The following NEK1 variants were observed in gnomAD, a reference collection of about 807,000 sequenced individuals.
NEK1 encodes the protein NIMA related kinase 1.
In NEK1, 137 loss-of-function variants were observed where a neutral mutation model predicts 182.1. The ratio of observed to expected loss-of-function variants is 0.75; its 90% CI spans 0.65 to 0.87. The LOEUF (loss-of-function observed/expected upper bound fraction) is 0.87, where lower values mean the gene tolerates loss of function less well. NEK1 is among the 40% of genes least tolerant of loss of function. The pLI is 0.00. For synonymous variants in NEK1, 513 were observed against 492.2 expected (o/e 1.04, Z -0.56); for missense variants, 1,391 against 1,494.4 (o/e 0.93, Z 1.14).
chr4:169,604,224 T>C (rs190578194), intron 2 of NEK1, among the ~76,000 whole-genome samples: 63 of 152,340 alleles, frequency 4.1e-4, no homozygotes, highest in South Asian at 2.3e-3. Context: ...ACTTTTAGTA[T>C]CACACTTAAA....
intron 9 of NEK1, among the ~76,000 whole-genome samples, chr4:169,587,324 G>A (rs1767698687): frequency 6.6e-6 from 1 of 151,680 alleles, no homozygotes; most frequent in Non-Finnish European, 1.5e-5. Flanking sequence ...TCTGTCATTA[G>A]AAATAATTTT....
At chr4:169,507,664 T>C in intron 22 of NEK1, 51 bp downstream of exon 22, 1 of 1,340,438 alleles carries the variant, frequency 7.5e-7, no homozygotes, top group Non-Finnish European at 1.1e-6. Flanking sequence ...CAATTTGCTA[T>C]CTCAGCTTTC....
intron 27 of NEK1, among the ~76,000 whole-genome samples, chr4:169,447,166 A>C (rs575655966): frequency 1.3e-5 from 2 of 152,250 alleles, no homozygotes; most frequent in Non-Finnish European, 2.9e-5. Flanking sequence ...AAAAGGTCAA[A>C]GACAAACAAA....
chr4:169,546,351 T>C (rs1425389934), intron 18 of NEK1, among the ~76,000 whole-genome samples: 1 of 152,084 alleles, frequency 6.6e-6, no homozygotes, highest in Non-Finnish European at 1.5e-5. Context: ...CTGAGACTCT[T>C]TGTTATGATT....
intron 20 of NEK1, 40 bp downstream of exon 20, chr4:169,508,729 T>C: frequency 1.4e-6 from 2 of 1,420,524 alleles, no homozygotes; most frequent in African/African-American, 1.4e-5. Flanking sequence ...AATTCAAAAA[T>C]GGCTATGTGA....
intron 23 of NEK1, among the ~76,000 whole-genome samples, chr4:169,501,683 T>C (rs1482610126): frequency 6.6e-6 from 1 of 152,096 alleles, no homozygotes; most frequent in Non-Finnish European, 1.5e-5. Flanking sequence ...GGCAGATATT[T>C]AAAAAAATTT....
chr4:169,505,419 C>T (rs1753084273), intron 23 of NEK1, among the ~76,000 whole-genome samples: 2 of 152,028 alleles, frequency 1.3e-5, no homozygotes, highest in East Asian at 3.9e-4. Context: ...TTTTCTCTTC[C>T]TTATGATTTT....
chr4:169,504,736 G>A (rs1752951430), intron 23 of NEK1, among the ~76,000 whole-genome samples: 1 of 152,162 alleles, frequency 6.6e-6, no homozygotes, highest in South Asian at 2.1e-4. Context: ...AAGCTGGAAA[G>A]GGTAGTGCAT....
intron 2 of NEK1, 96 bp from the exon 3 acceptor site, chr4:169,602,774 T>A (rs998555344): frequency 1.5e-5 from 8 of 549,180 alleles, no homozygotes; most frequent in Admixed American, 7.4e-5. Flanking sequence ...CTTTAGTGAT[T>A]TGCTAACATT....
intron 23 of NEK1, among the ~76,000 whole-genome samples, chr4:169,483,865 CAAA>C (rs376726833): frequency 1.9e-4 from 22 of 117,280 alleles, no homozygotes; most frequent in Admixed American, 1.9e-4. Flanking sequence ...GACTCTGTCT[CAAA>C]AAAAAAAAAA....
intron 12 of NEK1, among the ~76,000 whole-genome samples, chr4:169,568,398 C>A (rs1764061696): frequency 6.6e-6 from 1 of 152,110 alleles, no homozygotes; most frequent in Non-Finnish European, 1.5e-5. Flanking sequence ...TTTCACTGAA[C>A]TCTATTAGAA....
intron 28 of NEK1, among the ~76,000 whole-genome samples, chr4:169,435,267 C>G (rs1033683124): frequency 5.3e-5 from 8 of 152,088 alleles, no homozygotes; most frequent in African/African-American, 1.7e-4. Context: ...CTGGCCTATT[C>G]TTATAAGGGC....
chr4:169,610,865 A>G (rs1435210209), intron 2 of NEK1, among the ~76,000 whole-genome samples: 6 of 152,252 alleles, frequency 3.9e-5, no homozygotes, highest in Admixed American at 3.9e-4. Context: ...TGCAGCTACA[A>G]TCCATACATA....
intron 35 of NEK1, among the ~76,000 whole-genome samples, chr4:169,399,245 A>T (rs752524169): frequency 4.6e-5 from 7 of 151,646 alleles, no homozygotes; most frequent in African/African-American, 7.3e-5. Flanking sequence ...ACTCCATCTC[A>T]CACACACAAA....
chr4:169,584,186 AAAT>A (rs1767138678), intron 10 of NEK1, among the ~76,000 whole-genome samples: 2 of 152,170 alleles, frequency 1.3e-5, no homozygotes, highest in South Asian at 4.1e-4. Context: ...TAAACTCAAC[AAAT>A]ATTATGCACC....
chr4:169,583,022 G>A (rs1281192804), intron 10 of NEK1, among the ~76,000 whole-genome samples: 1 of 152,130 alleles, frequency 6.6e-6, no homozygotes, highest in Non-Finnish European at 1.5e-5. Context: ...AACCACGGTT[G>A]ATGGCCTTGA....
Position 169,508,982 on chromosome 4 carries a change from A to G in NEK1, c.1666-130T>C, listed in dbSNP as rs1366764058. 5 of 662,058 alleles carry G rather than the reference A, an allele frequency of 7.6e-6. No individual in the cohort carries two copies. The African/African-American group carries it at 9.2e-5, about 12-fold the overall frequency. The allele number at this position is 662,058 out of a possible 1,614,324, so 41.0% of individuals were successfully genotyped here. A position where few individuals can be genotyped will look rare whatever the true frequency, so the allele number is the denominator to read the frequency against. Reference sequence around the variant, plus strand: ...CCATTTATTGATGATAAACTGTGATAACAAACCCTGGCGTTTTCCTATGTC... The same window carrying G: ...CCATTTATTGATGATAAACTGTGATGACAAACCCTGGCGTTTTCCTATGTC... On this transcript the variant is annotated intron_variant, in intron 19 of 35. Transcript: ENST00000507142.
At chr4:169,419,182 C>T (rs1399382129) in intron 31 of NEK1, among the ~76,000 whole-genome samples, 1 of 151,800 alleles carries the variant, frequency 6.6e-6, no homozygotes, top group Non-Finnish European at 1.5e-5. Context: ...GTAAAAGAAG[C>T]CAGAGAGAAA....
chr4:169,413,602 T>C (rs1023655567), intron 31 of NEK1, among the ~76,000 whole-genome samples: 5 of 152,302 alleles, frequency 3.3e-5, no homozygotes, highest in Admixed American at 2.6e-4. Flanking sequence ...TCAGTCTTTG[T>C]CTCTGTGTGA....
Sources: allele counts gnomAD v4.1 joint callset (sites outside exome capture counted in the v4.1 genomes callset), GRCh38; gene constraint gnomAD v4.1.1; transcripts MANE v1.5; gene names NCBI Gene and HGNC (gene_info 2026-07-23, HGNC 2026-07-21).